The following SLC3A1 variants were observed in gnomAD, a reference collection of about 807,000 sequenced individuals.
The protein encoded by SLC3A1 is amino acid transporter heavy chain SLC3A1.
A neutral mutation model predicts 60.3 loss-of-function variants in SLC3A1; 78 were observed. The observed-to-expected ratio is 1.29, with a 90% CI of 1.08 to 1.56. SLC3A1 has a LOEUF of 1.56. SLC3A1 is among the 40% of genes most tolerant of loss of function. The pLI is 0.00. For synonymous variants in SLC3A1, 392 were observed against 307.9 expected (o/e 1.27, Z -2.86); for missense variants, 1,172 against 858.9 (o/e 1.36, Z -4.56).
chr2:44,307,610 G>T (rs962250350), intron 7 of SLC3A1, among the ~76,000 whole-genome samples: 5 of 151,134 alleles, frequency 3.3e-5, no homozygotes, highest in Non-Finnish European at 7.4e-5. Context: ...ATTTTGTTGA[G>T]GGTATTTTCA....
At chr2:44,317,537 GATATAGAAC>G (rs1672525320) in intron 9 of SLC3A1, 1 of 151,982 alleles carries the variant, frequency 6.6e-6, no homozygotes, top group Non-Finnish European at 1.5e-5. Flanking sequence ...GGATGGCTCT[GATATAGAAC>G]ATTTCCAGCA....
chr2:44,295,898 T>C (rs2104356092), intron 4 of SLC3A1, among the ~76,000 whole-genome samples: 1 of 152,312 alleles, frequency 6.6e-6, no homozygotes, highest in South Asian at 2.1e-4. Context: ...CAGCACCACC[T>C]GGGTGTGGAC....
At chr2:44,288,529 C>T (rs60842937) in intron 4 of SLC3A1, among the ~76,000 whole-genome samples, 8,090 of 152,118 alleles carry the variant, frequency 0.053, 719 homozygotes, top group African/African-American at 0.18. Flanking sequence ...TCTGTATATC[C>T]CTGGTAGGTG....
chr2:44,299,502 T>G (rs1199136224), intron 4 of SLC3A1, among the ~76,000 whole-genome samples: 1 of 152,230 alleles, frequency 6.6e-6, no homozygotes, highest in African/African-American at 2.4e-5. Flanking sequence ...CTTTAATATC[T>G]AAGCACTTCA....
intron 7 of SLC3A1, among the ~76,000 whole-genome samples, chr2:44,311,594 G>A (rs74740223): frequency 0.01 from 1,590 of 152,136 alleles, 32 homozygotes; most frequent in African/African-American, 0.037. Flanking sequence ...AAGATCTCAT[G>A]ACAGTGAAAA....
intron 6 of SLC3A1, among the ~76,000 whole-genome samples, chr2:44,301,960 C>CGGG: frequency 6.6e-6 from 1 of 152,122 alleles, no homozygotes; most frequent in East Asian, 1.9e-4. Flanking sequence ...GAGGCTGAGG[C>CGGG]AGGAGAATTG....
intron 6 of SLC3A1, among the ~76,000 whole-genome samples, chr2:44,303,514 G>T (rs1370024138): frequency 1.3e-5 from 2 of 151,914 alleles, no homozygotes; most frequent in Admixed American, 1.3e-4. Flanking sequence ...TGGGATTACA[G>T]GTGTGAGCCA....
In SLC3A1 at chr2:44,320,254, T is replaced by A; in HGVS notation, c.1673T>A (p.Leu558His). The change falls in exon 10 of 10, where the codon CTT (leucine) becomes CAT (histidine). Residue 558 changes from leucine to histidine, a missense_variant. Physicochemically the swap from Leu to His is moderately conservative, Grantham distance 99 (BLOSUM62 -3). Transcript: ENST00000260649. ...AAGTTATATCAAGATTTAAGTCTACTTCATGCCAATGAGCTACTCCTCAAC... is the reference window on the plus strand; with the variant it reads ...AAGTTATATCAAGATTTAAGTCTACATCATGCCAATGAGCTACTCCTCAAC... ...ALKLYQDLSLLHANELLLNRG... is the reference protein window; with the variant it reads ...ALKLYQDLSLHHANELLLNRG... 1 of 1,614,120 alleles carries A rather than the reference T, an allele frequency of 6.2e-7. No homozygotes were observed. Among genetic ancestry groups the A allele is most frequent in the Non-Finnish European group, 8.5e-7 (1 of 1,179,970 alleles).
chr2:44,297,044 A>G (rs765704519), intron 4 of SLC3A1, among the ~76,000 whole-genome samples: 14 of 152,196 alleles, frequency 9.2e-5, no homozygotes, highest in Non-Finnish European at 1.9e-4. Flanking sequence ...ATATGTCTCT[A>G]TTAGCAGCAT....
chr2:44,308,577 A>G (rs561183464), intron 7 of SLC3A1, among the ~76,000 whole-genome samples: 14 of 152,148 alleles, frequency 9.2e-5, no homozygotes, highest in Non-Finnish European at 1.9e-4. Context: ...TTCTTTTGAT[A>G]TTATTGTAAA....
intron 9 of SLC3A1, 153 bp downstream of exon 9, chr2:44,314,104 T>A: frequency 6.6e-7 from 1 of 1,520,868 alleles, no homozygotes; most frequent in East Asian, 2.5e-5. Flanking sequence ...GTAAGGAGTT[T>A]GTAAATCATG....
In SLC3A1 at chr2:44,275,640, G is replaced by T. The variant is rs774982576; in HGVS notation, c.105G>T (p.Pro35=). 3 of 1,613,964 alleles carry T rather than the reference G, an allele frequency of 1.9e-6. No homozygotes were observed. In the African/African-American group the frequency reaches 4.0e-5, roughly 22 times the overall value. The change falls in exon 1 of 10, where the codon CCG becomes CCT. Residue 35 remains proline (P), a synonymous_variant. Coordinates refer to ENST00000260649, the MANE Select transcript of SLC3A1 (RefSeq NM_000341.4). ...VHNEDILEQT[P]DPGSSTDNLK... ...ATGAAGACATTCTGGAGCAGACCCCGGATCCAGGAAGCTCAACAGACAACC... is the reference window on the plus strand; with the variant it reads ...ATGAAGACATTCTGGAGCAGACCCCTGATCCAGGAAGCTCAACAGACAACC...
At chr2:44,314,718 C>T (rs17032117) in intron 9 of SLC3A1, 9 of 152,708 alleles carry the variant, frequency 5.9e-5, no homozygotes, top group African/African-American at 2.2e-4. Context: ...ACAAGCACCA[C>T]TGAGAATTCT....
intron 9 of SLC3A1, chr2:44,315,041 C>T: frequency 7.0e-6 from 1 of 142,962 alleles, no homozygotes; most frequent in Non-Finnish European, 1.5e-5. Context: ...AAGCGATTCT[C>T]CTACCTTGGC....
At chr2:44,305,889 A>G (rs1672142391) in intron 7 of SLC3A1, among the ~76,000 whole-genome samples, 1 of 152,104 alleles carries the variant, frequency 6.6e-6, no homozygotes, top group Non-Finnish European at 1.5e-5. Context: ...GGAGCCCCCA[A>G]ATGAGGTGTC....
At chr2:44,304,392 C>T (rs1212421051) in intron 7 of SLC3A1, 54 bp downstream of exon 7, 2 of 1,364,568 alleles carry the variant, frequency 1.5e-6, no homozygotes, top group African/African-American at 2.8e-5. Context: ...CTTTGCTGTC[C>T]AGTTATCTCT....
chr2:44,320,180 T>G lies in SLC3A1; in HGVS notation c.1618-19T>G. 6.3e-7 allele frequency: 1 copy of G among 1,591,012 alleles called. No homozygotes were observed. The highest frequency in any genetic ancestry group is 8.6e-7 in the Non-Finnish European group (1 of 1,160,204). On this transcript the variant is annotated intron_variant, in intron 9 of 9. Coordinates refer to ENST00000260649, the MANE Select transcript of SLC3A1 (RefSeq NM_000341.4). ...TCTTAGAATCAAACACTTACGTAAA[T>G]ACTTTTTTAAAAAAATAGGTCCAAA...
chr2:44,320,390 A>T lies in SLC3A1; in HGVS notation c.1809A>T (p.Thr603=). The T allele has an allele frequency of 6.2e-7, 1 of 1,614,088 alleles. No individual in the cohort carries two copies. The highest frequency in any genetic ancestry group is 1.1e-5 in the South Asian group (1 of 91,086). The change falls in exon 10 of 10, where the codon ACA becomes ACT. Residue 603 remains threonine (T), a synonymous_variant. Coordinates refer to ENST00000260649, the MANE Select transcript of SLC3A1 (RefSeq NM_000341.4). ...TGGTTCTGAATTTTGGAGAATCAACACTGTTAAATCTACATAATATGATTT... is the reference window on the plus strand; with the variant it reads ...TGGTTCTGAATTTTGGAGAATCAACTCTGTTAAATCTACATAATATGATTT... ...FIVVLNFGES[T]LLNLHNMISG...
At position 44,320,597 on chromosome 2, in the gene SLC3A1, A is replaced by C; in HGVS notation, c.2016A>C (p.Ala672=). 6.2e-7 allele frequency: 1 copy of C among 1,614,026 alleles called. No homozygotes were observed. Among genetic ancestry groups the C allele is most frequent in the Non-Finnish European group, 8.5e-7 (1 of 1,179,934 alleles). The change falls in exon 10 of 10, where the codon GCA becomes GCC. Residue 672 remains alanine (A), a synonymous_variant. Coordinates refer to ENST00000260649, the MANE Select transcript of SLC3A1 (RefSeq NM_000341.4). ...FRDRCFVSNR[A]CYSSVLNILY... The stretch of plus-strand genomic sequence containing the variant: ...ATAGATGCTTTGTTTCCAATCGAGC[A>C]TGCTATTCCAGTGTACTGAACATAC...
Sources: allele counts gnomAD v4.1 joint callset (sites outside exome capture counted in the v4.1 genomes callset), GRCh38; gene constraint gnomAD v4.1.1; transcripts MANE v1.5; gene names NCBI Gene and HGNC (gene_info 2026-07-23, HGNC 2026-07-21).